NALCN: variants seen among roughly 807,000 people sequenced by gnomAD.
NALCN encodes sodium leak channel NALCN.
Under a neutral mutation model 225.3 loss-of-function variants are expected in NALCN, and 111 were observed. The observed-to-expected ratio is 0.49, with a 90% CI of 0.42 to 0.58. NALCN has a LOEUF of 0.58. Among genes scored for constraint, NALCN ranks in the 20% least tolerant of loss-of-function variants. The pLI, the probability that NALCN is intolerant of heterozygous loss-of-function variation, is 0.00. For synonymous variants in NALCN, 764 were observed against 769.0 expected, an observed-to-expected ratio of 0.99 and a Z score of 0.11; for missense variants, 1,378 against 2,202.4, an observed-to-expected ratio of 0.63 and a Z score of 7.49.
chr13:101,226,581 G>A (rs1212324032), intron 13 of NALCN, among the ~76,000 whole-genome samples: 1 of 152,136 alleles, frequency 6.6e-6, no homozygotes, highest in South Asian at 2.1e-4. Flanking sequence ...TAATGATGTG[G>A]CTATCATTTT....
At chr13:101,204,295 T>C (rs61003870) in intron 13 of NALCN, among the ~76,000 whole-genome samples, 1,579 of 152,298 alleles carry the variant, frequency 0.01, 30 homozygotes, top group African/African-American at 0.037. Flanking sequence ...TTCAGTTAAT[T>C]CTGTGACTGC....
intron 18 of NALCN, among the ~76,000 whole-genome samples, chr13:101,117,771 A>G (rs888217636): frequency 6.6e-6 from 1 of 151,748 alleles, no homozygotes; most frequent in Non-Finnish European, 1.5e-5. Flanking sequence ...CTCCTACTGA[A>G]GGACATCTTG....
intron 12 of NALCN, among the ~76,000 whole-genome samples, chr13:101,235,749 C>A (rs2041531364): frequency 6.6e-6 from 1 of 152,156 alleles, no homozygotes; most frequent in Non-Finnish European, 1.5e-5. Context: ...ATATGCTTAG[C>A]TGTGATTACA....
At chr13:101,154,916 G>A (rs1434137957) in intron 15 of NALCN, among the ~76,000 whole-genome samples, 2 of 152,086 alleles carry the variant, frequency 1.3e-5, no homozygotes, top group Non-Finnish European at 2.9e-5. Flanking sequence ...ATCACAAAAA[G>A]CATTTGGCTC....
chr13:101,157,866 C>T (rs1199711524), intron 15 of NALCN, among the ~76,000 whole-genome samples: 1 of 151,786 alleles, frequency 6.6e-6, no homozygotes, highest in African/African-American at 2.4e-5. Context: ...AATTCTCCTG[C>T]CTCAGCTTCC....
At chr13:101,093,147 TA>T (rs2034322384) in intron 28 of NALCN, among the ~76,000 whole-genome samples, 2 of 152,222 alleles carry the variant, frequency 1.3e-5, no homozygotes, top group South Asian at 4.1e-4. Context: ...ACTGTATTTA[TA>T]ATCCATGATA....
At chr13:101,178,139 C>T (rs2039037396) in intron 14 of NALCN, among the ~76,000 whole-genome samples, 1 of 152,108 alleles carries the variant, frequency 6.6e-6, no homozygotes, top group South Asian at 2.1e-4. Flanking sequence ...TTCCCAATAC[C>T]TCGACGACAG....
At position 101,095,611 on chromosome 13, in the gene NALCN, C is replaced by G. The variant is rs758737231; in HGVS notation, c.3232G>C (p.Gly1078Arg). The change falls in exon 28 of 44, where the codon GGA (glycine) becomes CGA (arginine). Residue 1078 changes from glycine to arginine, a missense_variant. Coordinates refer to ENST00000251127, the MANE Select transcript of NALCN (RefSeq NM_052867.4). ...ACCCAAAATCCAGGTTTTTTCTCTC[C>G]AGGCCTCAATTTTAAATTTAAGTTC... ...SKNLNLKLRP[G>R]EKKPGFWVPR... 21 of 1,612,980 alleles carry G rather than the reference C, an allele frequency of 1.3e-5. No individual in the cohort carries two copies. The South Asian group carries it at 2.2e-4, about 17-fold the overall frequency.
intron 30 of NALCN, among the ~76,000 whole-genome samples, chr13:101,085,294 G>T (rs1025156116): frequency 6.6e-6 from 1 of 151,784 alleles, no homozygotes; most frequent in Non-Finnish European, 1.5e-5. Context: ...AAATATAATC[G>T]AGTTTATAAT....
At chr13:101,216,232 T>G (rs965564855) in intron 13 of NALCN, among the ~76,000 whole-genome samples, 6 of 152,032 alleles carry the variant, frequency 3.9e-5, no homozygotes, top group Non-Finnish European at 8.8e-5. Flanking sequence ...CTCATAAACA[T>G]AATATTGAGC....
rs564014635 is a variant in NALCN at position 101,247,059 on chromosome 13, T to A, written c.1267-9137A>T. On this transcript the variant is annotated intron_variant, in intron 11 of 43. Transcript: ENST00000251127. The stretch of plus-strand genomic sequence containing the variant: ...CCAGAAATGCAACAGAAACATATGC[T>A]AGGTCAAGAATCAGGCAATGTTGGA... Among the ~76,000 whole-genome samples the A allele has an allele frequency of 4.3e-4, 65 of 152,288 alleles. No homozygotes were observed. In the Middle Eastern group the frequency reaches 0.031, roughly 72 times the overall value.
chr13:101,353,246 G>A (rs891534527), intron 6 of NALCN, among the ~76,000 whole-genome samples: 2 of 152,054 alleles, frequency 1.3e-5, no homozygotes, highest in African/African-American at 4.8e-5. Context: ...TGCCTTTTGT[G>A]GCAGATATAA....
At chr13:101,070,396 G>A (rs2032784136) in intron 37 of NALCN, among the ~76,000 whole-genome samples, 1 of 152,160 alleles carries the variant, frequency 6.6e-6, no homozygotes, top group South Asian at 2.1e-4. Context: ...GTAGAATAGT[G>A]AATCCTTTCC....
intron 7 of NALCN, among the ~76,000 whole-genome samples, chr13:101,341,377 A>G (rs1312867713): frequency 6.6e-6 from 1 of 152,180 alleles, no homozygotes; most frequent in Non-Finnish European, 1.5e-5. Flanking sequence ...ATTGACATGA[A>G]GTTTCAGGCC....
chr13:101,221,339 C>A (rs34725120), intron 13 of NALCN, among the ~76,000 whole-genome samples: 1 of 151,752 alleles, frequency 6.6e-6, no homozygotes, highest in Non-Finnish European at 1.5e-5. Context: ...GGATGGTCTC[C>A]ATCTCCTGAC....
chr13:101,235,624 A>G (rs2041526593), intron 12 of NALCN, among the ~76,000 whole-genome samples: 1 of 152,190 alleles, frequency 6.6e-6, no homozygotes, highest in African/African-American at 2.4e-5. Flanking sequence ...TGCCCCAGCC[A>G]TGTCACTTAT....
chr13:101,150,443 G>A (rs146443454), intron 15 of NALCN, among the ~76,000 whole-genome samples: 105 of 152,182 alleles, frequency 6.9e-4, no homozygotes, highest in Non-Finnish European at 1.2e-3. Context: ...TTCTTACTTC[G>A]GCACTATCAG....
At chr13:101,365,151 T>C (rs1373553478) in intron 6 of NALCN, among the ~76,000 whole-genome samples, 1 of 152,212 alleles carries the variant, frequency 6.6e-6, no homozygotes, top group East Asian at 1.9e-4. Flanking sequence ...ACTCAGCTAA[T>C]AAGCATAGCA....
At chr13:101,351,101 T>C (rs1343290187) in intron 6 of NALCN, among the ~76,000 whole-genome samples, 1 of 152,184 alleles carries the variant, frequency 6.6e-6, no homozygotes, top group Non-Finnish European at 1.5e-5. Flanking sequence ...GTTTAATAAT[T>C]ATTTTCTGAA....
Sources: allele counts gnomAD v4.1 joint callset (sites outside exome capture counted in the v4.1 genomes callset), GRCh38; gene constraint gnomAD v4.1.1; transcripts MANE v1.5; gene names NCBI Gene and HGNC (gene_info 2026-07-23, HGNC 2026-07-21).